Variants in CLEC16A observed in about 807,000 individuals in gnomAD.
The protein encoded by CLEC16A is protein CLEC16A.
Under a neutral mutation model 109.5 loss-of-function variants are expected in CLEC16A, and 51 were observed. The observed-to-expected ratio is 0.47, with a 90% CI of 0.37 to 0.59. The LOEUF (loss-of-function observed/expected upper bound fraction) is 0.59. CLEC16A is among the 20% of genes least tolerant of loss of function. The pLI is 0.00. For missense variants in CLEC16A, 1,339 were observed against 1,394.0 expected (o/e 0.96, Z 0.63); for synonymous variants, 673 against 564.2 (o/e 1.19, Z -2.73).
chr16:11,007,437 C>A (rs1317571063), intron 11 of CLEC16A, among the ~76,000 whole-genome samples: 1 of 152,196 alleles, frequency 6.6e-6, no homozygotes, highest in Non-Finnish European at 1.5e-5. Flanking sequence ...AAGCCAGGGA[C>A]TGACTATCGG....
chr16:10,966,778 G>A (rs538484424), intron 3 of CLEC16A, among the ~76,000 whole-genome samples: 31 of 152,250 alleles, frequency 2.0e-4, no homozygotes, highest in Non-Finnish European at 4.4e-4. Context: ...AGAACAGGAT[G>A]GGGGAAACCA....
chr16:10,962,269 A>G (rs1010556979), intron 2 of CLEC16A, among the ~76,000 whole-genome samples, 186 bp from the exon 3 acceptor site: 2 of 152,116 alleles, frequency 1.3e-5, no homozygotes, highest in Non-Finnish European at 2.9e-5. Flanking sequence ...TTTAATACTC[A>G]TAATTATATC....
At chr16:11,046,041 C>G (rs2047618100) in intron 16 of CLEC16A, among the ~76,000 whole-genome samples, 1 of 152,054 alleles carries the variant, frequency 6.6e-6, no homozygotes, top group Non-Finnish European at 1.5e-5. Context: ...CGCACTTGGC[C>G]TCCAAGTGAG....
At chr16:11,030,707 C>T (rs1436804271) in intron 13 of CLEC16A, among the ~76,000 whole-genome samples, 1 of 152,186 alleles carries the variant, frequency 6.6e-6, no homozygotes, top group Non-Finnish European at 1.5e-5. Context: ...TGCAATGGTG[C>T]AATCTTGGCT....
At chr16:11,027,818 T>G (rs1202314041) in intron 13 of CLEC16A, 4 of 782,176 alleles carry the variant, frequency 5.1e-6, no homozygotes, top group Non-Finnish European at 8.6e-6. Flanking sequence ...AAGCATGTGT[T>G]TTGTTGTTTT....
Position 10,969,237 on chromosome 16 carries a change from C to G in CLEC16A, c.420C>G (p.Ala140=). 6.2e-7 allele frequency: 1 copy of G among 1,609,276 alleles called. No individual in the cohort carries two copies. The highest frequency in any genetic ancestry group is 8.5e-7 in the Non-Finnish European group (1 of 1,176,306). The change falls in exon 4 of 24, where the codon GCC becomes GCG. Residue 140 remains alanine, a synonymous_variant. Transcript: ENST00000409790. ...KFDFSDEEIM[A]YYISFLKTLS... Reference sequence around the variant, plus strand: ...ACTTTTCTGATGAGGAGATTATGGCCTATTATATATCGTTCCTGAAAACAC... The same window carrying G: ...ACTTTTCTGATGAGGAGATTATGGCGTATTATATATCGTTCCTGAAAACAC...
At chr16:10,990,682 T>C (rs1051777791) in intron 10 of CLEC16A, among the ~76,000 whole-genome samples, 2 of 152,252 alleles carry the variant, frequency 1.3e-5, no homozygotes, top group African/African-American at 4.8e-5. Flanking sequence ...TTTCTATATC[T>C]GTCCTGCAGT....
chr16:11,091,914 G>A (rs1367568161), intron 19 of CLEC16A, among the ~76,000 whole-genome samples: 2 of 152,036 alleles, frequency 1.3e-5, no homozygotes, highest in African/African-American at 4.8e-5. Flanking sequence ...ACTCAGCAGG[G>A]GTGTTCTGAC....
intron 11 of CLEC16A, among the ~76,000 whole-genome samples, chr16:11,010,217 G>A (rs947454042): frequency 2.6e-5 from 4 of 152,028 alleles, no homozygotes; most frequent in Admixed American, 2.6e-4. Flanking sequence ...CAGGGGATAG[G>A]GTGGGTGGGG....
At chr16:11,123,218 G>A (rs1369298568) in intron 20 of CLEC16A, among the ~76,000 whole-genome samples, 3 of 152,098 alleles carry the variant, frequency 2.0e-5, no homozygotes, top group African/African-American at 7.2e-5. Context: ...CCTTTCTCAG[G>A]ATTAGCTTTT....
intron 1 of CLEC16A, among the ~76,000 whole-genome samples, chr16:10,949,093 A>G (rs6498137): frequency 0.93 from 141,708 of 152,210 alleles, 66,042 homozygotes; most frequent in South Asian, 0.96. Context: ...GAGAGAAAAG[A>G]GTGGTTCCCC....
chr16:11,155,298 G>A (rs2054466426), intron 22 of CLEC16A, among the ~76,000 whole-genome samples: 1 of 152,204 alleles, frequency 6.6e-6, no homozygotes, highest in African/African-American at 2.4e-5. Flanking sequence ...GCTTTAGAGT[G>A]ACAACAGTGC....
chr16:11,064,001 G>A (rs540095770), intron 19 of CLEC16A, among the ~76,000 whole-genome samples: 13 of 151,216 alleles, frequency 8.6e-5, no homozygotes, highest in East Asian at 5.9e-4. Flanking sequence ...AGGGAGGGAA[G>A]GGAAGAGGGG....
At position 11,152,151 on chromosome 16, in the gene CLEC16A, G is replaced by A. The variant is rs2054315188; in HGVS notation, c.2642-14237G>A. On this transcript the variant is annotated intron_variant, in intron 22 of 23. Transcript: ENST00000409790. ...CAAGATGCGCGGAAGGATAAATTTA[G>A]CCTGCATTTCAGGGGAAAACATCGA... Among the ~76,000 whole-genome samples, 3 of 152,298 alleles carry A rather than the reference G, an allele frequency of 2.0e-5. No individual in the cohort carries two copies. In the South Asian group the frequency reaches 6.2e-4, roughly 32 times the overall value.
intron 13 of CLEC16A, among the ~76,000 whole-genome samples, chr16:11,026,589 C>G (rs1330440233): frequency 6.7e-6 from 1 of 148,392 alleles, no homozygotes; most frequent in Non-Finnish European, 1.5e-5. Context: ...TATTGCTACC[C>G]TCTATTGTTC....
chr16:11,049,801 G>C (rs2047838962), intron 17 of CLEC16A, among the ~76,000 whole-genome samples: 1 of 152,228 alleles, frequency 6.6e-6, no homozygotes, highest in Non-Finnish European at 1.5e-5. Context: ...GAAGGTTGTA[G>C]GGGGCAGCAG....
At chr16:10,950,548 T>A (rs191693737) in intron 1 of CLEC16A, among the ~76,000 whole-genome samples, 15 of 152,190 alleles carry the variant, frequency 9.9e-5, no homozygotes, top group South Asian at 4.1e-4. Context: ...TTTGACATCT[T>A]TGGGGGATGA....
At chr16:11,112,816 C>T (rs1225966871) in intron 19 of CLEC16A, among the ~76,000 whole-genome samples, 1 of 152,254 alleles carries the variant, frequency 6.6e-6, no homozygotes, top group African/African-American at 2.4e-5. Context: ...GCCATACCTT[C>T]AGGGTCCTGG....
chr16:11,044,290 C>A, intron 16 of CLEC16A: 1 of 381,016 alleles, frequency 2.6e-6, no homozygotes, highest in Non-Finnish European at 4.7e-6. Flanking sequence ...GGACTCAGCC[C>A]CAGTATATGA....
Sources: allele counts gnomAD v4.1 joint callset (sites outside exome capture counted in the v4.1 genomes callset), GRCh38; gene constraint gnomAD v4.1.1; transcripts MANE v1.5; gene names NCBI Gene and HGNC (gene_info 2026-07-23, HGNC 2026-07-21).